The following NOS1 variants were observed in gnomAD, a reference collection of about 807,000 sequenced individuals.
The protein encoded by NOS1 is NOS type I.
NOS1 carries 51 observed loss-of-function variants against 164.5 expected under a neutral mutation model. The ratio of observed to expected loss-of-function variants is 0.31; its 90% confidence interval spans 0.25 to 0.39. The LOEUF (loss-of-function observed/expected upper bound fraction) is 0.39, where lower values mean the gene tolerates loss of function less well. NOS1 is among the 10% of genes least tolerant of loss of function. The pLI is 1.00. For missense variants in NOS1, 1,362 were observed against 1,885.6 expected (o/e 0.72, Z 5.14); for synonymous variants, 719 against 745.8 (o/e 0.96, Z 0.59).
intron 3 of NOS1, chr12:117,302,171 A>G (rs770035592): frequency 1.8e-5 from 8 of 442,230 alleles, no homozygotes; most frequent in Non-Finnish European, 3.7e-5. Flanking sequence ...ATATTGCTCA[A>G]TAAATATATT....
At chr12:117,326,845 C>T (rs1279362845) in intron 2 of NOS1, among the ~76,000 whole-genome samples, 1 of 152,156 alleles carries the variant, frequency 6.6e-6, no homozygotes, top group Non-Finnish European at 1.5e-5. Context: ...CGAGGGCTCC[C>T]GTGAAGTCCT....
chr12:117,344,449 T>C lies in NOS1; in HGVS notation c.-420-12960A>G, dbSNP rs74827485. Among the ~76,000 whole-genome samples, 1,028 of 152,338 alleles carry C rather than the reference T, an allele frequency of 6.7e-3. 11 individuals are homozygous for C. Among genetic ancestry groups the C allele is most frequent in the African/African-American group, 0.023 (973 of 41,572 alleles). ...GTAAGCACTTTATTGGAAGATCTCATTTTCATTCTTGCAACACGATATGAA... is the reference window on the plus strand; with the variant it reads ...GTAAGCACTTTATTGGAAGATCTCACTTTCATTCTTGCAACACGATATGAA... On this transcript the variant is annotated intron_variant, in intron 1 of 28. Transcript: ENST00000317775.
intron 5 of NOS1, among the ~76,000 whole-genome samples, chr12:117,287,085 C>T (rs957437208): frequency 7.9e-5 from 12 of 151,944 alleles, no homozygotes; most frequent in South Asian, 2.1e-4. Flanking sequence ...TGTGGTGGTG[C>T]GTGCCCGTAA....
At chr12:117,337,109 T>A (rs1407077008) in intron 1 of NOS1, among the ~76,000 whole-genome samples, 7 of 94,730 alleles carry the variant, frequency 7.4e-5, no homozygotes, top group South Asian at 5.4e-4. Flanking sequence ...TTTTACTCTT[T>A]TTTTTTTTTT....
chr12:117,309,841 C>T (rs1874342402), intron 3 of NOS1, among the ~76,000 whole-genome samples: 1 of 152,198 alleles, frequency 6.6e-6, no homozygotes, highest in African/African-American at 2.4e-5. Context: ...ATGGCAAGTA[C>T]CACAAAAATC....
intron 18 of NOS1, among the ~76,000 whole-genome samples, chr12:117,244,756 G>A (rs1340426903): frequency 6.6e-6 from 1 of 152,188 alleles, no homozygotes; most frequent in Non-Finnish European, 1.5e-5. Context: ...CTATGACACG[G>A]ATGAACCTTG....
At position 117,264,641 on chromosome 12, in the gene NOS1, CT is replaced by C. The variant is rs372835589; in HGVS notation, c.2137-668del. On this transcript the variant is annotated intron_variant, in intron 12 of 28. Coordinates refer to ENST00000317775, the MANE Select transcript of NOS1 (RefSeq NM_000620.5). The stretch of plus-strand genomic sequence containing the variant: ...CTCCCTCTCTCTCTCCCTTTCCCCC[CT>C]CTCCCTCTTTCCCTCTACACTCTCT... Among the ~76,000 whole-genome samples, 555 of 133,916 alleles carry C rather than the reference CT, an allele frequency of 4.1e-3. 2 individuals are homozygous for C. Among genetic ancestry groups the C allele is most frequent in the African/African-American group, 0.015 (528 of 34,984 alleles). 87.9% of individuals were successfully genotyped at this position (133,916 alleles called of 152,430 possible). A position where few individuals can be genotyped will look rare whatever the true frequency, so the allele number is the denominator to read the frequency against.
rs9658545 is a variant in NOS1, at chr12:117,218,087, C to T, written c.4248G>A (p.Glu1416=). The change falls in exon 28 of 29, where the codon GAG becomes GAA. Residue 1416 remains glutamate, a synonymous_variant. Coordinates refer to ENST00000317775, the MANE Select transcript of NOS1 (RefSeq NM_000620.5). ...TGCTCTCTTCAATGAAGGCAATGGA[C>T]TCAGATCTAAGGCGGTTGGTCACTT... is the stretch of plus-strand genomic sequence containing the variant. ...TYEVTNRLRS[E]SIAFIEESKK... The T allele has an allele frequency of 6.4e-5, 104 of 1,614,028 alleles. No individual in the cohort carries two copies. The highest frequency in any genetic ancestry group is 8.6e-5 in the Non-Finnish European group (102 of 1,180,022).
chr12:117,256,651 A>G (rs747351131), intron 16 of NOS1, among the ~76,000 whole-genome samples: 7 of 152,176 alleles, frequency 4.6e-5, no homozygotes, highest in Non-Finnish European at 8.8e-5. Flanking sequence ...ACCTTAAGAC[A>G]CAGGGATCTG....
At position 117,209,723 on chromosome 12, in the gene NOS1, G is replaced by A. The variant is rs1956499166; in HGVS notation, c.*5586C>T. 3 of 985,504 alleles carry A rather than the reference G, an allele frequency of 3.0e-6. No individual in the cohort carries two copies. In the African/African-American group the frequency reaches 5.2e-5, roughly 17 times the overall value. The allele number at this position is 985,504 out of a possible 1,614,324, so 61.0% of individuals were successfully genotyped here. On this transcript the variant is annotated 3_prime_UTR_variant, in exon 29 of 29. Coordinates refer to ENST00000317775, the MANE Select transcript of NOS1 (RefSeq NM_000620.5). ...ACTCTCGACAGACACTGCTTTCCAC[G>A]GGTGAAAGTGTACCTGGGTCCTTAC...
Position 117,209,100 on chromosome 12 carries a change from G to C in NOS1, c.*6209C>G. On this transcript the variant is annotated 3_prime_UTR_variant, in exon 29 of 29. Coordinates refer to ENST00000317775, the MANE Select transcript of NOS1 (RefSeq NM_000620.5). Reference sequence around the variant, plus strand: ...ACCCTCAAATCCCACTTTGGCAGCAGATAATGGAAACAACCACTGGGCTAG... The same window carrying C: ...ACCCTCAAATCCCACTTTGGCAGCACATAATGGAAACAACCACTGGGCTAG... 1 of 985,360 alleles carries C rather than the reference G, an allele frequency of 1.0e-6. No homozygotes were observed. Among genetic ancestry groups the C allele is most frequent in the Non-Finnish European group, 1.2e-6 (1 of 829,942 alleles). 61.0% of individuals were successfully genotyped at this position (985,360 alleles called of 1,614,324 possible).
intron 10 of NOS1, among the ~76,000 whole-genome samples, chr12:117,269,946 T>A (rs935176610): frequency 6.6e-6 from 1 of 152,162 alleles, no homozygotes. Flanking sequence ...AAACTGAGGC[T>A]CAGAGAGGTG....
intron 12 of NOS1, among the ~76,000 whole-genome samples, chr12:117,264,792 T>TGGAGGTTG (rs1872250526): frequency 6.6e-6 from 1 of 151,554 alleles, no homozygotes; most frequent in East Asian, 1.9e-4. Context: ...TGATATCGGC[T>TGGAGGTTG]CACTGCAACC....
At chr12:117,307,954 G>A (rs748867045) in intron 3 of NOS1, among the ~76,000 whole-genome samples, 3 of 151,886 alleles carry the variant, frequency 2.0e-5, no homozygotes, top group African/African-American at 7.3e-5. Context: ...GGCGGAGGTT[G>A]CAGTGAGCAG....
At chr12:117,296,318 T>A (rs751665389) in intron 3 of NOS1, among the ~76,000 whole-genome samples, 1 of 152,186 alleles carries the variant, frequency 6.6e-6, no homozygotes, top group Non-Finnish European at 1.5e-5. Context: ...CAAAGTACTG[T>A]CCCTGAGTGT....
intron 1 of NOS1, among the ~76,000 whole-genome samples, chr12:117,339,512 T>G (rs552044874): frequency 3.8e-4 from 58 of 152,346 alleles, no homozygotes; most frequent in Non-Finnish European, 7.9e-4. Context: ...GCCTGACAAT[T>G]CAAATGTCAG....
rs41459647 is a variant in NOS1 at position 117,330,920 on chromosome 12, G to C, written c.150C>G (p.Gly50=). 2 of 1,614,002 alleles carry C rather than the reference G, an allele frequency of 1.2e-6. No homozygotes were observed. The highest frequency in any genetic ancestry group is 1.7e-5 in the Admixed American group (1 of 59,998). ...PVIISDLIRG[G]AAEQSGLIQA... The stretch of plus-strand genomic sequence containing the variant: ...GGATGAGGCCACTCTGCTCTGCGGC[G>C]CCCCCACGAATCAGGTCAGAGATGA... The change falls in exon 2 of 29, where the codon GGC becomes GGG. Residue 50 remains glycine (G), a synonymous_variant. Coordinates refer to ENST00000317775, the MANE Select transcript of NOS1 (RefSeq NM_000620.5). This position sits in a 1 kb window ranked among gnomAD's most constrained non-coding sequence, Gnocchi z 4.6.
chr12:117,247,864 T>C (rs1202785008), intron 17 of NOS1, among the ~76,000 whole-genome samples: 1 of 150,002 alleles, frequency 6.7e-6, no homozygotes, highest in Non-Finnish European at 1.5e-5. Flanking sequence ...GAGAATGGTG[T>C]GAACCCGGGA....
intron 10 of NOS1, among the ~76,000 whole-genome samples, chr12:117,270,013 G>C (rs1872686368): frequency 6.6e-6 from 1 of 152,164 alleles, no homozygotes; most frequent in Non-Finnish European, 1.5e-5. Context: ...AGCCCAGGGA[G>C]ATGCCTAACG....
Sources: gnomAD v4.1 joint callset for allele counts (sites outside exome capture counted in the v4.1 genomes callset) on GRCh38, gnomAD v4.1.1 for gene constraint, Gnocchi (gnomAD v3.1) non-coding constraint, MANE v1.5 for transcripts, NCBI Gene and HGNC (gene_info 2026-07-23, HGNC 2026-07-21) for gene names.